The following RUNX2 variants were observed in gnomAD, a reference collection of about 807,000 sequenced individuals.
The protein encoded by RUNX2 is RUNX family transcription factor 2.
A neutral mutation model predicts 51.7 loss-of-function variants in RUNX2; 10 were observed. That is an observed-to-expected ratio of 0.19 (90% confidence interval 0.12 to 0.33). The LOEUF is 0.33. RUNX2 is among the 10% of genes least tolerant of loss of function. The pLI is 1.00. For missense variants in RUNX2, 562 were observed against 691.3 expected (o/e 0.81, Z 2.10); for synonymous variants, 276 against 273.6 (o/e 1.01, Z -0.09).
chr6:45,490,200 T>G (rs1800420398), intron 5 of RUNX2, among the ~76,000 whole-genome samples: 1 of 152,218 alleles, frequency 6.6e-6, no homozygotes, highest in African/African-American at 2.4e-5. Context: ...TTGTTTTGGG[T>G]CATCTCTAAA....
At chr6:45,351,397 C>T (rs1792021356) in intron 2 of RUNX2, among the ~76,000 whole-genome samples, 2 of 151,892 alleles carry the variant, frequency 1.3e-5, no homozygotes, top group Non-Finnish European at 2.9e-5. Flanking sequence ...TAAAACAATC[C>T]CCATAATCAG....
At chr6:45,433,734 C>A (rs1798606638) in intron 4 of RUNX2, among the ~76,000 whole-genome samples, 1 of 151,976 alleles carries the variant, frequency 6.6e-6, no homozygotes, top group Non-Finnish European at 1.5e-5. Flanking sequence ...CACTGTTTTA[C>A]TATATTGGCT....
At chr6:45,422,523 AT>A in intron 2 of RUNX2, 69 bp from the exon 3 acceptor site, 1 of 1,013,404 alleles carries the variant, frequency 9.9e-7, no homozygotes, top group Non-Finnish European at 1.2e-6. Context: ...CTTGCCCCTC[AT>A]TTCCACCCTC....
chr6:45,522,102 A>T (rs1801524344), intron 7 of RUNX2, among the ~76,000 whole-genome samples: 1 of 152,224 alleles, frequency 6.6e-6, no homozygotes. Context: ...AGTCCCTGGC[A>T]TTCCTTCCTG....
intron 2 of RUNX2, among the ~76,000 whole-genome samples, chr6:45,401,145 C>T (rs141411622): frequency 1.3e-5 from 2 of 152,256 alleles, no homozygotes; most frequent in Non-Finnish European, 2.9e-5. Context: ...CCATCCTACC[C>T]TCTCTCTTAA....
intron 7 of RUNX2, among the ~76,000 whole-genome samples, chr6:45,537,348 G>A (rs1489611587): frequency 2.0e-5 from 3 of 152,240 alleles, no homozygotes; most frequent in South Asian, 2.1e-4. Context: ...AAATGACCCC[G>A]AATCCCTGCA....
At chr6:45,418,432 A>G (rs565115439) in intron 2 of RUNX2, among the ~76,000 whole-genome samples, 1 of 152,264 alleles carries the variant, frequency 6.6e-6, no homozygotes, top group East Asian at 1.9e-4. Flanking sequence ...AAAAGTGTAT[A>G]CTTTTTAGTG....
chr6:45,335,366 T>C (rs1474432799), intron 2 of RUNX2, among the ~76,000 whole-genome samples: 2 of 151,270 alleles, frequency 1.3e-5, no homozygotes, highest in East Asian at 3.9e-4. Context: ...TAATATGGTA[T>C]TACATTTTAC....
chr6:45,393,351 C>G (rs766326967), intron 2 of RUNX2, among the ~76,000 whole-genome samples: 1 of 152,074 alleles, frequency 6.6e-6, no homozygotes, highest in Non-Finnish European at 1.5e-5. Context: ...AGGAGTTAAG[C>G]TGTGCTTATT....
chr6:45,538,536 A>G lies in RUNX2; in HGVS notation c.1022-6681A>G, dbSNP rs1802111072. ...TATCACTTTTAAACCTCTCTCCCTC[A>G]TTTTCCTAGTTCCTTCTCTCCTAAT... On this transcript the variant is annotated intron_variant, in intron 7 of 8. Coordinates refer to ENST00000647337, the MANE Select transcript of RUNX2 (RefSeq NM_001024630.4). Among the ~76,000 whole-genome samples, 3 of 151,998 alleles carry G rather than the reference A, an allele frequency of 2.0e-5. No homozygotes were observed. In the South Asian group the frequency reaches 6.2e-4, roughly 31 times the overall value.
At chr6:45,335,405 T>C (rs1046323337) in intron 2 of RUNX2, among the ~76,000 whole-genome samples, 2 of 151,314 alleles carry the variant, frequency 1.3e-5, no homozygotes, top group African/African-American at 2.4e-5. Flanking sequence ...TGTATCACTA[T>C]AACGATCCTA....
At chr6:45,472,649 G>A (rs777576228) in intron 5 of RUNX2, among the ~76,000 whole-genome samples, 1 of 152,184 alleles carries the variant, frequency 6.6e-6, no homozygotes, top group Non-Finnish European at 1.5e-5. Flanking sequence ...CTTGTATCTG[G>A]TTCCTGCTCT....
chr6:45,427,772 A>G (rs903200264), intron 3 of RUNX2, among the ~76,000 whole-genome samples: 5 of 152,182 alleles, frequency 3.3e-5, no homozygotes, highest in Admixed American at 6.5e-5. Flanking sequence ...AAGATGAGAA[A>G]CTGTTTTAAG....
chr6:45,424,953 T>C (rs528299074), intron 3 of RUNX2, among the ~76,000 whole-genome samples: 2 of 152,294 alleles, frequency 1.3e-5, no homozygotes, highest in East Asian at 3.9e-4. Context: ...ATACAATATA[T>C]ATCTTTTACA....
chr6:45,465,026 A>G (rs1799582315), intron 5 of RUNX2, among the ~76,000 whole-genome samples: 1 of 152,244 alleles, frequency 6.6e-6, no homozygotes, highest in Admixed American at 6.5e-5. Context: ...CCTTATAAGA[A>G]AAAATGTTTA....
At chr6:45,490,865 C>T (rs1800440113) in intron 5 of RUNX2, among the ~76,000 whole-genome samples, 1 of 152,280 alleles carries the variant, frequency 6.6e-6, no homozygotes, top group Middle Eastern at 3.4e-3. Context: ...TAGGGCCTCA[C>T]TGGCACAGAA....
chr6:45,524,303 T>G (rs981412434), intron 7 of RUNX2, among the ~76,000 whole-genome samples: 5 of 152,210 alleles, frequency 3.3e-5, no homozygotes, highest in African/African-American at 1.2e-4. Context: ...ACAGGCAACA[T>G]TGTTCCTAAA....
intron 7 of RUNX2, 107 bp downstream of exon 7, chr6:45,512,514 C>A: frequency 8.1e-7 from 1 of 1,228,678 alleles, no homozygotes; most frequent in Non-Finnish European, 1.2e-6. Flanking sequence ...CTATTAGAGG[C>A]ATGTGGGCAA....
chr6:45,346,070 G>C (rs1027415175), intron 2 of RUNX2, among the ~76,000 whole-genome samples: 4 of 151,976 alleles, frequency 2.6e-5, no homozygotes, highest in African/African-American at 9.7e-5. Context: ...ATTTTCACTG[G>C]CTTTCATCCT....
Sources: gnomAD v4.1 joint callset for allele counts (sites outside exome capture counted in the v4.1 genomes callset) on GRCh38, gnomAD v4.1.1 for gene constraint, MANE v1.5 for transcripts, NCBI Gene and HGNC (gene_info 2026-07-23, HGNC 2026-07-21) for gene names.